The following NEK6 variants were observed in gnomAD, a reference collection of about 807,000 sequenced individuals.
The protein encoded by NEK6 is NIMA related kinase 6, also known as serine/threonine-protein kinase Nek6.
Under a neutral mutation model 43.5 loss-of-function variants are expected in NEK6, and 27 were observed. That is an observed-to-expected ratio of 0.62 (90% CI 0.46 to 0.86). The LOEUF is 0.86. Among genes scored for constraint, NEK6 ranks in the 40% least tolerant of loss-of-function variants. The pLI, the probability that NEK6 is intolerant of heterozygous loss-of-function variation, is 0.00. For missense variants in NEK6, 318 were observed against 414.4 expected (o/e 0.77, Z 2.02); for synonymous variants, 167 against 164.1 (o/e 1.02, Z -0.14).
chr9:124,326,889 C>A lies in NEK6; in HGVS notation c.515-449C>A, dbSNP rs922745173. 1.3e-5 allele frequency among the ~76,000 whole-genome samples: 2 copies of A among 152,170 alleles called. No homozygotes were observed. Among genetic ancestry groups the A allele is most frequent in the African/African-American group, 4.8e-5 (2 of 41,448 alleles). ...CTTTACGTAGGCTGCTTCATGGACA[C>A]CTCCGTTCCTTCACTCTACCTGTAT... On this transcript the variant is annotated intron_variant, in intron 6 of 9. Coordinates refer to ENST00000320246, the MANE Select transcript of NEK6 (RefSeq NM_014397.6). The surrounding 1 kb of genome is among the most constrained non-coding windows in gnomAD (Gnocchi z 4.5).
rs989585654 is a variant in NEK6 at position 124,276,060 on chromosome 9, G to A, written c.-30+17975G>A. ...AGAGTGTGGCCCGTGGAGGCTGGGG[G>A]GCTGGGAGGCGGCTGTGAACTTCAG... is the stretch of plus-strand genomic sequence containing the variant. On this transcript the variant is annotated intron_variant, in intron 1 of 9. Coordinates refer to ENST00000320246, the MANE Select transcript of NEK6 (RefSeq NM_014397.6). Among the ~76,000 whole-genome samples, 32 of 152,296 alleles carry A rather than the reference G, an allele frequency of 2.1e-4. 1 individual carries two copies. The South Asian group carries it at 3.5e-3, about 17-fold the overall frequency.
chr9:124,270,069 G>GCC (rs560878217), intron 1 of NEK6, among the ~76,000 whole-genome samples: 142 of 147,452 alleles, frequency 9.6e-4, no homozygotes, highest in African/African-American at 2.4e-3. Flanking sequence ...TTCCTTCCAC[G>GCC]CCCCCCCCCC....
chr9:124,261,907 G>T (rs1018397099), intron 1 of NEK6, among the ~76,000 whole-genome samples: 4 of 152,060 alleles, frequency 2.6e-5, no homozygotes, highest in African/African-American at 9.7e-5. Flanking sequence ...CTCCCGTCTG[G>T]CCTGTGATTT....
At chr9:124,309,245 G>C (rs966779810) in intron 2 of NEK6, among the ~76,000 whole-genome samples, 1 of 152,220 alleles carries the variant, frequency 6.6e-6, no homozygotes, top group African/African-American at 2.4e-5. Flanking sequence ...CTCTAATTGG[G>C]TCGGATGGAC....
chr9:124,318,199 T>G (rs1833911856), intron 4 of NEK6, among the ~76,000 whole-genome samples: 1 of 152,202 alleles, frequency 6.6e-6, no homozygotes, highest in South Asian at 2.1e-4. Context: ...ATTTTTTGAC[T>G]TCGTAATAAT....
At chr9:124,337,582 G>A (rs1359434873) in intron 7 of NEK6, among the ~76,000 whole-genome samples, 3 of 152,218 alleles carry the variant, frequency 2.0e-5, no homozygotes, top group Non-Finnish European at 4.4e-5. Flanking sequence ...ATTTTGTCGT[G>A]TATAACTGAG....
rs1831634134 is a variant in NEK6 at position 124,275,968 on chromosome 9, T to C, written c.-30+17883T>C. ...CTGCGGTGATCCTTTAAACGACAGTTAGGTTTGATCCTGCGGGAGGTGGGT... is the reference window on the plus strand; with the variant it reads ...CTGCGGTGATCCTTTAAACGACAGTCAGGTTTGATCCTGCGGGAGGTGGGT... On this transcript the variant is annotated intron_variant, in intron 1 of 9. Coordinates refer to ENST00000320246, the MANE Select transcript of NEK6 (RefSeq NM_014397.6). This position sits in a 1 kb window ranked among gnomAD's most constrained non-coding sequence, Gnocchi z 4.4. 6.6e-6 allele frequency among the ~76,000 whole-genome samples: 1 copy of C among 152,136 alleles called. No homozygotes were observed. The highest frequency in any genetic ancestry group is 1.5e-5 in the Non-Finnish European group (1 of 68,008).
intron 2 of NEK6, among the ~76,000 whole-genome samples, chr9:124,302,627 C>T (rs1030014224): frequency 7.2e-5 from 11 of 152,256 alleles, no homozygotes; most frequent in African/African-American, 2.4e-4. Context: ...TTGTAGGTTT[C>T]TGAACTGCCT....
At chr9:124,316,491 C>T (rs1283749039) in intron 4 of NEK6, among the ~76,000 whole-genome samples, 1 of 152,182 alleles carries the variant, frequency 6.6e-6, no homozygotes, top group Non-Finnish European at 1.5e-5. Context: ...TCCCTCTGGC[C>T]ACCACCACAG....
chr9:124,335,703 G>A (rs554664072), intron 7 of NEK6, among the ~76,000 whole-genome samples: 1 of 152,298 alleles, frequency 6.6e-6, no homozygotes, highest in African/African-American at 2.4e-5. Context: ...ACTGGGATGC[G>A]GCAACAAACA....
In NEK6 at chr9:124,324,152, C is replaced by A. The variant is rs866637326; in HGVS notation, c.406-2178C>A. ...AGGCCTGGCAGTGCAGAGACCCACT[C>A]GAGTAAGACACGTCCCCTGGATGGC... On this transcript the variant is annotated intron_variant, in intron 5 of 9. Transcript: ENST00000320246. This position sits in a 1 kb window ranked among gnomAD's most constrained non-coding sequence, Gnocchi z 5.3. Among the ~76,000 whole-genome samples, 1 of 152,198 alleles carries A rather than the reference C, an allele frequency of 6.6e-6. No homozygotes were observed. Among genetic ancestry groups the A allele is most frequent in the African/African-American group, 2.4e-5 (1 of 41,454 alleles).
At chr9:124,314,089 G>A (rs578154891) in intron 4 of NEK6, 104 bp downstream of exon 4, 23 of 987,128 alleles carry the variant, frequency 2.3e-5, no homozygotes, top group East Asian at 1.0e-4. Flanking sequence ...CCAGGAATCC[G>A]CAGCCCCTGC....
At chr9:124,309,760 G>A (rs2130845142) in intron 2 of NEK6, among the ~76,000 whole-genome samples, 1 of 152,334 alleles carries the variant, frequency 6.6e-6, no homozygotes, top group African/African-American at 2.4e-5. Flanking sequence ...AGCCGCCCTG[G>A]CTGTTTATGA....
intron 1 of NEK6, among the ~76,000 whole-genome samples, chr9:124,281,960 C>T (rs919448845): frequency 1.3e-5 from 2 of 152,250 alleles, no homozygotes; most frequent in Admixed American, 1.3e-4. Flanking sequence ...GTACCCCAGA[C>T]ACAGAAGTGG....
intron 1 of NEK6, among the ~76,000 whole-genome samples, chr9:124,289,878 G>A (rs1166666813): frequency 6.6e-6 from 1 of 152,232 alleles, no homozygotes; most frequent in Non-Finnish European, 1.5e-5. Context: ...AGACCATGCA[G>A]CCCTATGGGA....
Position 124,258,049 on chromosome 9 carries a change from C to A in NEK6, c.-66C>A. On this transcript the variant is annotated 5_prime_UTR_variant, in exon 1 of 10. Coordinates refer to ENST00000320246, the MANE Select transcript of NEK6 (RefSeq NM_014397.6). Reference sequence around the variant, plus strand: ...TCCAGCCGCCCGCGGGCCAGCGCACCGGTCCCCCAGCGGCAGCCGAGCCCG... The same window carrying A: ...TCCAGCCGCCCGCGGGCCAGCGCACAGGTCCCCCAGCGGCAGCCGAGCCCG... The A allele has an allele frequency of 1.0e-6, 1 of 979,108 alleles. No individual in the cohort carries two copies. Among genetic ancestry groups the A allele is most frequent in the Non-Finnish European group, 1.2e-6 (1 of 827,494 alleles). 60.7% of individuals were successfully genotyped at this position (979,108 alleles called of 1,614,324 possible).
intron 1 of NEK6, chr9:124,261,331 C>T (rs1831022579): frequency 1.1e-6 from 1 of 921,258 alleles, no homozygotes; most frequent in African/African-American, 1.8e-5. Flanking sequence ...AGGGAAGTGT[C>T]AAAACAATTG....
At chr9:124,347,873 C>A in intron 9 of NEK6, 51 bp downstream of exon 9, 2 of 1,103,218 alleles carry the variant, frequency 1.8e-6, no homozygotes, top group Non-Finnish European at 2.8e-6. Context: ...GCCACCGAGG[C>A]TTATGAGGGC....
At chr9:124,302,706 G>A (rs1833048745) in intron 2 of NEK6, among the ~76,000 whole-genome samples, 1 of 152,224 alleles carries the variant, frequency 6.6e-6, no homozygotes, top group East Asian at 1.9e-4. Context: ...TGCAAATGCT[G>A]CTCCCTCTGG....
Sources: gnomAD v4.1 joint callset for allele counts (sites outside exome capture counted in the v4.1 genomes callset) on GRCh38, gnomAD v4.1.1 for gene constraint, Gnocchi (gnomAD v3.1) non-coding constraint, MANE v1.5 for transcripts, NCBI Gene and HGNC (gene_info 2026-07-23, HGNC 2026-07-21) for gene names.